The following SPIRE1 variants were observed in gnomAD, a reference collection of about 807,000 sequenced individuals.
The protein encoded by SPIRE1 is spire type actin nucleation factor 1.
SPIRE1 carries 40 observed loss-of-function variants against 94.1 expected under a neutral mutation model. The observed-to-expected ratio is 0.43, with a 90% CI of 0.33 to 0.55. The LOEUF is 0.55. Ranked by LOEUF, SPIRE1 falls within the 20% of genes least tolerant of loss-of-function variation. The pLI, the probability that SPIRE1 is intolerant of heterozygous loss-of-function variation, is 0.06. For missense variants in SPIRE1, 838 were observed against 975.2 expected (o/e 0.86, Z 1.87); for synonymous variants, 376 against 371.7 (o/e 1.01, Z -0.13).
intron 2 of SPIRE1, among the ~76,000 whole-genome samples, chr18:12,614,964 G>A (rs1404253171): frequency 1.3e-5 from 2 of 151,814 alleles, no homozygotes; most frequent in African/African-American, 4.8e-5. Context: ...CAAGGCGGAC[G>A]GATTGCCTGA....
In SPIRE1 at chr18:12,615,542, C is replaced by CAAAAA. The variant is rs71174108; in HGVS notation, c.372+19515_372+19519dup. ...GCGACAGAGAGAGACTCTATCTCCA[C>CAAAAA]AAAAAAAAAAAAAATCCCAAATTTT... On this transcript the variant is annotated intron_variant, in intron 2 of 16. Transcript: ENST00000409402. 1.3e-4 allele frequency among the ~76,000 whole-genome samples: 10 copies of CAAAAA among 75,804 alleles called. 2 individuals carry two copies. In the East Asian group the frequency reaches 4.3e-3, roughly 32 times the overall value. The allele number at this position is 75,804 out of a possible 152,430, so 49.7% of individuals were successfully genotyped here.
At chr18:12,620,385 A>G (rs1598542908) in intron 2 of SPIRE1, among the ~76,000 whole-genome samples, 2 of 152,338 alleles carry the variant, frequency 1.3e-5, no homozygotes, top group South Asian at 2.1e-4. Context: ...CTTGAAAAAG[A>G]ACAACAAAGT....
chr18:12,552,069 C>T (rs2035367103), intron 2 of SPIRE1, among the ~76,000 whole-genome samples: 1 of 152,244 alleles, frequency 6.6e-6, no homozygotes, highest in South Asian at 2.1e-4. Flanking sequence ...AATGCCCACT[C>T]ACAGAAGGAA....
intron 3 of SPIRE1, among the ~76,000 whole-genome samples, chr18:12,539,577 AC>A (rs2034950309): frequency 6.8e-6 from 1 of 147,242 alleles, no homozygotes; most frequent in Non-Finnish European, 1.5e-5. Flanking sequence ...ACATACACAT[AC>A]ACACACACGC....
rs2031111059 is a variant in SPIRE1 at position 12,449,438 on chromosome 18, C to G, written c.*200G>C. ...GTTGTCCTCTCTCAGTGCAAACGAGCAATTGGCGGACCTGTCACGTTTCAT... is the reference window on the plus strand; with the variant it reads ...GTTGTCCTCTCTCAGTGCAAACGAGGAATTGGCGGACCTGTCACGTTTCAT... On this transcript the variant is annotated 3_prime_UTR_variant, in exon 17 of 17. Coordinates refer to ENST00000409402, the MANE Select transcript of SPIRE1 (RefSeq NM_001128626.2). 1.1e-5 allele frequency: 7 copies of G among 611,486 alleles called. 1 individual carries two copies. The highest frequency in any genetic ancestry group is 2.0e-5 in the Non-Finnish European group (7 of 354,046). The allele number at this position is 611,486 out of a possible 1,614,324, so 37.9% of individuals were successfully genotyped here.
At chr18:12,615,345 A>AAAAAAAATAAAAAAAAATATAT in intron 2 of SPIRE1, among the ~76,000 whole-genome samples, 2 of 17,244 alleles carry the variant, frequency 1.2e-4, no homozygotes, top group Non-Finnish European at 3.7e-4. Flanking sequence ...AAAAAAAAAA[A>AAAAAAAATAAAAAAAAATATAT]ATATATATAT....
intron 10 of SPIRE1, among the ~76,000 whole-genome samples, chr18:12,475,646 C>T (rs2032537166): frequency 6.6e-6 from 1 of 152,204 alleles, no homozygotes; most frequent in African/African-American, 2.4e-5. Context: ...ATTTAACAGT[C>T]TCTGTATTTG....
intron 2 of SPIRE1, among the ~76,000 whole-genome samples, chr18:12,622,583 C>T (rs958216021): frequency 1.3e-5 from 2 of 151,568 alleles, no homozygotes; most frequent in African/African-American, 2.4e-5. Flanking sequence ...CCACCATGCC[C>T]GGCTAATTTT....
intron 3 of SPIRE1, among the ~76,000 whole-genome samples, chr18:12,543,533 G>A (rs765338018): frequency 2.0e-5 from 3 of 152,110 alleles, no homozygotes; most frequent in South Asian, 2.1e-4. Context: ...TTTGTGAAAC[G>A]GGTATTGGAA....
chr18:12,486,772 C>T (rs940894905), intron 8 of SPIRE1, among the ~76,000 whole-genome samples: 4 of 152,168 alleles, frequency 2.6e-5, no homozygotes, highest in African/African-American at 9.7e-5. Flanking sequence ...CCTTCCTTAT[C>T]GTATTTTCAC....
At chr18:12,577,848 T>TA (rs142380654) in intron 2 of SPIRE1, among the ~76,000 whole-genome samples, 4 of 152,106 alleles carry the variant, frequency 2.6e-5, no homozygotes, top group African/African-American at 9.7e-5. Flanking sequence ...ATGTATTTTT[T>TA]AAAAAACAGA....
At chr18:12,599,415 T>C (rs761269391) in intron 2 of SPIRE1, among the ~76,000 whole-genome samples, 11 of 152,124 alleles carry the variant, frequency 7.2e-5, no homozygotes, top group Non-Finnish European at 1.6e-4. Flanking sequence ...TACGCCCCAC[T>C]ACACCTGGCT....
chr18:12,540,814 T>C (rs1225874469), intron 3 of SPIRE1, among the ~76,000 whole-genome samples: 1 of 152,252 alleles, frequency 6.6e-6, no homozygotes, highest in Non-Finnish European at 1.5e-5. Context: ...TCCAAAGATA[T>C]TAAATGGAAA....
At chr18:12,483,677 A>C (rs2032927791) in intron 9 of SPIRE1, among the ~76,000 whole-genome samples, 1 of 152,208 alleles carries the variant, frequency 6.6e-6, no homozygotes, top group Admixed American at 6.5e-5. Context: ...AGATATACTT[A>C]AGCAGCAGAA....
intron 2 of SPIRE1, among the ~76,000 whole-genome samples, chr18:12,563,823 A>G (rs1046820191): frequency 1.3e-5 from 2 of 152,214 alleles, no homozygotes; most frequent in African/African-American, 4.8e-5. Context: ...AGAACATAAG[A>G]TGAAAATATA....
At chr18:12,483,348 G>A (rs1392793341) in intron 9 of SPIRE1, among the ~76,000 whole-genome samples, 2 of 152,112 alleles carry the variant, frequency 1.3e-5, no homozygotes, top group African/African-American at 2.4e-5. Context: ...AATGAGAAAA[G>A]CAAAACACTT....
intron 2 of SPIRE1, among the ~76,000 whole-genome samples, chr18:12,573,184 ATG>A (rs1263963328): frequency 1.3e-5 from 2 of 152,258 alleles, no homozygotes; most frequent in Non-Finnish European, 2.9e-5. Context: ...AATAATGTGA[ATG>A]TACACCTCAC....
chr18:12,532,271 T>C (rs1377801665), intron 4 of SPIRE1, among the ~76,000 whole-genome samples: 1 of 152,236 alleles, frequency 6.6e-6, no homozygotes, highest in Non-Finnish European at 1.5e-5. Context: ...CCAGGTTCAG[T>C]AAATGCACTT....
In SPIRE1 at chr18:12,574,225, T is replaced by TA. The variant is rs558092883; in HGVS notation, c.373-27322dup. Reference sequence around the variant, plus strand: ...TTTTTCTGTAAACCTAAAACTGCTCTAAAAAAAGTATTAATTTTTAAAAAA... The same window carrying TA: ...TTTTTCTGTAAACCTAAAACTGCTCTAAAAAAAAGTATTAATTTTTAAAAAA... On this transcript the variant is annotated intron_variant, in intron 2 of 16. Coordinates refer to ENST00000409402, the MANE Select transcript of SPIRE1 (RefSeq NM_001128626.2). Among the ~76,000 whole-genome samples, 374 of 152,240 alleles carry TA rather than the reference T, an allele frequency of 2.5e-3. 3 individuals are homozygous for TA. Among genetic ancestry groups the TA allele is most frequent in the African/African-American group, 8.6e-3 (359 of 41,546 alleles).
Sources: gnomAD v4.1 joint callset for allele counts (sites outside exome capture counted in the v4.1 genomes callset) on GRCh38, gnomAD v4.1.1 for gene constraint, MANE v1.5 for transcripts, NCBI Gene and HGNC (gene_info 2026-07-23, HGNC 2026-07-21) for gene names.